Variants in FKBP8 observed in about 807,000 individuals in gnomAD.
FKBP8 encodes the protein FKBP prolyl isomerase 8, also known as peptidyl-prolyl cis-trans isomerase FKBP8.
A neutral mutation model predicts 41.7 loss-of-function variants in FKBP8; 5 were observed. The observed-to-expected ratio is 0.12, with a 90% CI of 0.06 to 0.25. The LOEUF (loss-of-function observed/expected upper bound fraction) is 0.25, where lower values mean the gene tolerates loss of function less well. Ranked by LOEUF, FKBP8 falls within the 10% of genes least tolerant of loss-of-function variation. The probability of loss-of-function intolerance (pLI) is 1.00; values close to 1 mark genes in which losing one functional copy is unlikely to be tolerated. For synonymous variants in FKBP8, 279 were observed against 254.5 expected (o/e 1.10, Z -0.92); for missense variants, 397 against 563.0 (o/e 0.71, Z 2.98).
In FKBP8 at chr19:18,541,797, C is replaced by G. The variant is rs1484076170; in HGVS notation, c.174G>C (p.Met58Ile). ...CAGCCTCCTCCGCCGGGGGTTGTCC[C>G]ATGTCCTCCAGCGGTGGCAGCTCAC... ...DLSELPPLED[M>I]GQPPAEEAEQ... is the part of the protein sequence containing the mutation. Residue 58 changes from methionine (M) to isoleucine (I), a missense_variant, in exon 2 of 9, where the codon ATG becomes ATC. Physicochemically the swap from Met to Ile is conservative, Grantham distance 10 (BLOSUM62 1). This residue lies in a region of FKBP8 where 172 missense variants were observed against 196.2 expected (regional missense o/e 0.88). Coordinates refer to ENST00000608443, the MANE Select transcript of FKBP8 (RefSeq NM_012181.5). The G allele has an allele frequency of 1.9e-6, 3 of 1,613,770 alleles. No individual in the cohort carries two copies. The highest frequency in any genetic ancestry group is 1.7e-5 in the Admixed American group (1 of 59,960).
intron 2 of FKBP8, among the ~76,000 whole-genome samples, chr19:18,541,288 T>TG (rs1420295634): frequency 1.3e-5 from 2 of 152,308 alleles, no homozygotes; most frequent in African/African-American, 4.8e-5. Flanking sequence ...TTTTGGAAGT[T>TG]GGGGTCTCGC....
Position 18,532,575 on chromosome 19 carries a change from T to A in FKBP8, c.1155+89A>T. On this transcript the variant is annotated intron_variant, in intron 8 of 8. Transcript: ENST00000608443. ...CCCTGCATCGCCCAGGACGGCCCAG[T>A]CTCCGAGGACATCCATGTATGCAAA... 5 of 1,546,632 alleles carry A rather than the reference T, an allele frequency of 3.2e-6. No homozygotes were observed. In the South Asian group the frequency reaches 6.1e-5, roughly 19 times the overall value.
At position 18,532,391 on chromosome 19, in the gene FKBP8, C is replaced by A. The variant is rs533428998; in HGVS notation, c.1156-136G>T. On this transcript the variant is annotated intron_variant, in intron 8 of 8. Transcript: ENST00000608443. ...TATGTATTTCCCACTTCCTGGCAAA[C>A]TCCTACTCATGCAGCAAAACCCAAA... 3.5e-5 allele frequency: 35 copies of A among 1,000,012 alleles called. No homozygotes were observed. The Admixed American group carries it at 6.7e-4, about 19-fold the overall frequency. The allele number at this position is 1,000,012 out of a possible 1,614,324, so 61.9% of individuals were successfully genotyped here. A position where few individuals can be genotyped will look rare whatever the true frequency, so the allele number is the denominator to read the frequency against.
chr19:18,539,134 A>T (rs948258990), intron 4 of FKBP8, among the ~76,000 whole-genome samples: 2 of 151,820 alleles, frequency 1.3e-5, no homozygotes, highest in African/African-American at 4.8e-5. Context: ...TAATTTTTAA[A>T]TTTTTTTGTA....
chr19:18,539,774 C>G (rs1479287787), intron 2 of FKBP8, 54 bp from the exon 3 acceptor site: 1 of 1,585,334 alleles, frequency 6.3e-7, no homozygotes. Context: ...AACAGGCACC[C>G]GCTCCCCTGA....
chr19:18,532,537 C>A (rs898055003), intron 8 of FKBP8, 127 bp downstream of exon 8: 2 of 1,384,550 alleles, frequency 1.4e-6, no homozygotes, highest in Non-Finnish European at 2.0e-6. Flanking sequence ...CAGGGCTGGG[C>A]TCTCTCCACG....
At position 18,532,183 on chromosome 19, in the gene FKBP8, C is replaced by T. The variant is rs760993884; in HGVS notation, c.1228G>A (p.Ala410Thr). 7 of 1,605,778 alleles carry T rather than the reference C, an allele frequency of 4.4e-6. No homozygotes were observed. Among genetic ancestry groups the T allele is most frequent in the Non-Finnish European group, 5.9e-6 (7 of 1,176,822 alleles). ...LGGVALSVVI[A>T]ARN ...CACCTAGGTGGTCAGTTCCTGGCAG[C>T]GATGACCACAGAGAGTGCCACACCC... is the stretch of plus-strand genomic sequence containing the variant. Residue 410 changes from alanine (A) to threonine (T), a missense_variant, in exon 9 of 9, where the codon GCT (alanine) becomes ACT (threonine). By Grantham distance (58) the Ala-to-Thr change is moderately conservative (BLOSUM62 0). This residue lies in a region of FKBP8 where 225 missense variants were observed against 366.8 expected (regional missense o/e 0.61). Transcript: ENST00000608443.
In FKBP8 at chr19:18,532,134, A is replaced by C. The variant is rs768161236; in HGVS notation, c.*35T>G. The C allele has an allele frequency of 3.9e-6, 6 of 1,538,074 alleles. No individual in the cohort carries two copies. The highest frequency in any genetic ancestry group is 3.9e-5 in the Admixed American group (2 of 51,736). On this transcript the variant is annotated 3_prime_UTR_variant, in exon 9 of 9. Transcript: ENST00000608443. The stretch of plus-strand genomic sequence containing the variant: ...AGTTGGGGAGCGCAGGGCAGGGTCC[A>C]TGGTGTGCAGAGGGGGTGGCAGCCA...
intron 6 of FKBP8, chr19:18,535,925 G>C (rs1030661985): frequency 6.6e-6 from 1 of 151,830 alleles, no homozygotes; most frequent in African/African-American, 2.4e-5. Flanking sequence ...AGTTCCATGA[G>C]CTATCGATCC....
At chr19:18,533,823 G>A (rs1600528661) in intron 6 of FKBP8, among the ~76,000 whole-genome samples, 2 of 151,682 alleles carry the variant, frequency 1.3e-5, no homozygotes, top group Non-Finnish European at 2.9e-5. Context: ...TGGCTAAGAC[G>A]GTGAAACCCT....
intron 7 of FKBP8, 53 bp from the exon 8 acceptor site, chr19:18,532,848 G>T: frequency 6.2e-7 from 1 of 1,601,460 alleles, no homozygotes. Context: ...TGTCATCACT[G>T]GCGCTCTGCC....
rs536081425 is a variant in FKBP8 at position 18,534,253 on chromosome 19, G to A, written c.946-906C>T. On this transcript the variant is annotated intron_variant, in intron 6 of 8. Coordinates refer to ENST00000608443, the MANE Select transcript of FKBP8 (RefSeq NM_012181.5). ...ACCCAGGAGGCAGCACTTGCAGTGAGCCGAGATCACGCCACTGCAGTCCAG... is the reference window on the plus strand; with the variant it reads ...ACCCAGGAGGCAGCACTTGCAGTGAACCGAGATCACGCCACTGCAGTCCAG... Among the ~76,000 whole-genome samples the A allele has an allele frequency of 2.0e-5, 3 of 152,180 alleles. No individual in the cohort carries two copies. The South Asian group carries it at 6.2e-4, about 32-fold the overall frequency.
Position 18,539,382 on chromosome 19 carries a change from G to A in FKBP8, c.540C>T (p.Gly180=), listed in dbSNP as rs1212094990. 4 of 1,612,848 alleles carry A rather than the reference G, an allele frequency of 2.5e-6. No individual in the cohort carries two copies. Among genetic ancestry groups the A allele is most frequent in the African/African-American group, 1.3e-5 (1 of 75,016 alleles). ...MVTADSKYCY[G]PQGSRSPYIP... is the part of the protein sequence containing the mutation. ...TGGCTGACTCTCACCTGCCTTGGGG[G>A]CCGTAGCAGTACTTGGAGTCAGCAG... The change falls in exon 4 of 9, where the codon GGC becomes GGT. Residue 180 remains glycine, a synonymous_variant. Transcript: ENST00000608443.
chr19:18,539,923 GAC>G (rs1358101147), intron 2 of FKBP8, among the ~76,000 whole-genome samples: 2 of 152,226 alleles, frequency 1.3e-5, no homozygotes, highest in Admixed American at 1.3e-4. Flanking sequence ...GGCAGGATGG[GAC>G]AGACTTCAGG....
rs757573567 is a variant in FKBP8 at position 18,539,702 on chromosome 19, TTCC to T, written c.308_310del (p.Arg103del). On this transcript the variant is annotated inframe_deletion, in exon 3 of 9. Coordinates refer to ENST00000608443, the MANE Select transcript of FKBP8 (RefSeq NM_012181.5). ...TGGCGGCCCTGGGACCAGCGTCTTC[TTCC>T]TCAACAGCCCGTTCCCTGCCAGGGT... is the stretch of plus-strand genomic sequence containing the variant. 6.2e-7 allele frequency: 1 copy of T among 1,608,770 alleles called. No individual in the cohort carries two copies. Among genetic ancestry groups the T allele is most frequent in the Non-Finnish European group, 8.5e-7 (1 of 1,179,992 alleles).
At position 18,532,126 on chromosome 19, in the gene FKBP8, C is replaced by A. The variant is rs371306435; in HGVS notation, c.*43G>T. 52 of 1,511,770 alleles carry A rather than the reference C, an allele frequency of 3.4e-5. No homozygotes were observed. In the African/African-American group the frequency reaches 6.2e-4, roughly 18 times the overall value. 93.6% of individuals were successfully genotyped at this position (1,511,770 alleles called of 1,614,324 possible). The stretch of plus-strand genomic sequence containing the variant: ...CCTGGGGGAGTTGGGGAGCGCAGGG[C>A]AGGGTCCATGGTGTGCAGAGGGGGT... On this transcript the variant is annotated 3_prime_UTR_variant, in exon 9 of 9. Coordinates refer to ENST00000608443, the MANE Select transcript of FKBP8 (RefSeq NM_012181.5).
In FKBP8 at chr19:18,532,481, C is replaced by T. The variant is rs1425823500; in HGVS notation, c.1155+183G>A. ...TGGAAGAGGCTCCACAGTCCACCCC[C>T]AGCCCTCCAGCTTGAGTTCCACCTT... On this transcript the variant is annotated intron_variant, in intron 8 of 8. Transcript: ENST00000608443. The T allele has an allele frequency of 6.8e-6, 7 of 1,030,186 alleles. No individual in the cohort carries two copies. In the East Asian group the frequency reaches 1.6e-4, roughly 23 times the overall value. 63.8% of individuals were successfully genotyped at this position (1,030,186 alleles called of 1,614,324 possible). A position where few individuals can be genotyped will look rare whatever the true frequency, so the allele number is the denominator to read the frequency against.
At chr19:18,532,331 G>T in intron 8 of FKBP8, 76 bp from the exon 9 acceptor site, 2 of 1,335,926 alleles carry the variant, frequency 1.5e-6, no homozygotes, top group Non-Finnish European at 2.1e-6. Context: ...TGCCAGCACA[G>T]CCCAAACAGA....
intron 8 of FKBP8, 42 bp from the exon 9 acceptor site, chr19:18,532,297 A>G (rs1050999548): frequency 3.2e-6 from 5 of 1,540,674 alleles, no homozygotes; most frequent in Admixed American, 1.9e-5. Flanking sequence ...GAGGGAGGTC[A>G]AGACTGGCCT....
Sources: allele counts gnomAD v4.1 joint callset (sites outside exome capture counted in the v4.1 genomes callset), GRCh38; gene constraint gnomAD v4.1.1; regional missense constraint gnomAD v4.1.1; transcripts MANE v1.5; gene names NCBI Gene and HGNC (gene_info 2026-07-23, HGNC 2026-07-21).